Variants in TTC27 observed in about 807,000 individuals in gnomAD.
The protein encoded by TTC27 is tetratricopeptide repeat protein 27.
A neutral mutation model predicts 115.9 loss-of-function variants in TTC27; 79 were observed. That is an observed-to-expected ratio of 0.68 (90% CI 0.57 to 0.82). The LOEUF (loss-of-function observed/expected upper bound fraction) is 0.82, where lower values mean the gene tolerates loss of function less well. Among genes scored for constraint, TTC27 ranks in the 40% least tolerant of loss-of-function variants. The probability of loss-of-function intolerance (pLI) is 0.00; values close to 1 mark genes in which losing one functional copy is unlikely to be tolerated. For synonymous variants in TTC27, 401 were observed against 356.0 expected, an observed-to-expected ratio of 1.13 and a Z score of -1.42; for missense variants, 1,054 against 993.1, an observed-to-expected ratio of 1.06 and a Z score of -0.82.
At chr2:32,806,923 A>G (rs959295029) in intron 16 of TTC27, among the ~76,000 whole-genome samples, 1 of 152,208 alleles carries the variant, frequency 6.6e-6, no homozygotes, top group African/African-American at 2.4e-5. Flanking sequence ...ATTTTAAATT[A>G]ATTTTTATTG....
intron 10 of TTC27, among the ~76,000 whole-genome samples, chr2:32,726,651 A>G (rs1466375111): frequency 1.3e-5 from 2 of 152,100 alleles, no homozygotes. Flanking sequence ...AAGCCCTCCA[A>G]ACTGTTCCAA....
intron 10 of TTC27, among the ~76,000 whole-genome samples, chr2:32,706,077 C>G (rs868258169): frequency 6.6e-4 from 35 of 53,220 alleles, no homozygotes; most frequent in Non-Finnish European, 9.5e-4. Flanking sequence ...TTACCTTACT[C>G]TTTTTTTTTT....
chr2:32,755,648 G>GGAGAGA (rs1397150890), intron 12 of TTC27, among the ~76,000 whole-genome samples: 1 of 151,936 alleles, frequency 6.6e-6, no homozygotes, highest in Non-Finnish European at 1.5e-5. Context: ...AGAGGGAGAG[G>GGAGAGA]GAGCCGGAGC....
intron 4 of TTC27, among the ~76,000 whole-genome samples, chr2:32,646,665 G>A (rs1664875306): frequency 1.4e-5 from 2 of 145,872 alleles, no homozygotes; most frequent in Non-Finnish European, 3.0e-5. Context: ...CCGGGTTCAT[G>A]CCATTCTCCT....
intron 9 of TTC27, among the ~76,000 whole-genome samples, chr2:32,690,440 C>G (rs146530431): frequency 2.0e-5 from 3 of 152,090 alleles, no homozygotes; most frequent in African/African-American, 7.2e-5. Flanking sequence ...CTTAGCAATA[C>G]TAGGCCCTTT....
chr2:32,750,233 C>A lies in TTC27; in HGVS notation c.1453-8059C>A, dbSNP rs563171855. Among the ~76,000 whole-genome samples, 4 of 152,288 alleles carry A rather than the reference C, an allele frequency of 2.6e-5. No homozygotes were observed. In the East Asian group the frequency reaches 7.7e-4, roughly 29 times the overall value. On this transcript the variant is annotated intron_variant, in intron 12 of 19. Coordinates refer to ENST00000317907, the MANE Select transcript of TTC27 (RefSeq NM_017735.5). ...ACCATTATATCTATATAGCTATTAA[C>A]CCTGTGAGTCCACACAGCAAATGTC...
In TTC27 at chr2:32,729,699, C is replaced by G. The variant is rs146238356; in HGVS notation, c.1234-4129C>G. 4.6e-5 allele frequency among the ~76,000 whole-genome samples: 7 copies of G among 152,026 alleles called. No individual in the cohort carries two copies. In the East Asian group the frequency reaches 1.4e-3, roughly 29 times the overall value. On this transcript the variant is annotated intron_variant, in intron 10 of 19. Coordinates refer to ENST00000317907, the MANE Select transcript of TTC27 (RefSeq NM_017735.5). ...CTGGACCGCGCCCCAGGGGCCTCCT[C>G]TCTCTCTGCTTGTTACCTTTTACGT...
chr2:32,775,870 A>T (rs1009096390), intron 13 of TTC27, among the ~76,000 whole-genome samples: 1 of 152,150 alleles, frequency 6.6e-6, no homozygotes, highest in South Asian at 2.1e-4. Context: ...ACTTGGTTGG[A>T]GTTTAGAGAG....
chr2:32,817,916 G>A (rs1208712757), intron 19 of TTC27, among the ~76,000 whole-genome samples: 2 of 152,214 alleles, frequency 1.3e-5, no homozygotes, highest in African/African-American at 2.4e-5. Flanking sequence ...AATTAGCTGG[G>A]CATGGTTGCG....
intron 13 of TTC27, among the ~76,000 whole-genome samples, chr2:32,758,955 G>GA (rs1475867461): frequency 2.0e-5 from 3 of 151,998 alleles, no homozygotes; most frequent in African/African-American, 7.2e-5. Context: ...ATCATTTTAA[G>GA]AAAAACGTGT....
At chr2:32,775,486 C>G (rs758513594) in intron 13 of TTC27, among the ~76,000 whole-genome samples, 7 of 152,196 alleles carry the variant, frequency 4.6e-5, no homozygotes, top group Non-Finnish European at 8.8e-5. Context: ...GTGTGAGCCA[C>G]TTTGCCCGGC....
At chr2:32,717,008 A>AT (rs10549038) in intron 10 of TTC27, among the ~76,000 whole-genome samples, 122 of 140,808 alleles carry the variant, frequency 8.7e-4, no homozygotes, top group Admixed American at 3.0e-3. Flanking sequence ...TTTTTTTTTA[A>AT]TTTTTTTTTT....
intron 4 of TTC27, among the ~76,000 whole-genome samples, chr2:32,642,949 A>AT (rs1445840177): frequency 1.3e-5 from 2 of 152,052 alleles, no homozygotes; most frequent in African/African-American, 4.8e-5. Flanking sequence ...GATTATAGGC[A>AT]TAAGCCACCA....
rs1216190215 is a variant in TTC27, at chr2:32,817,457, T to TTTTTAC, written c.2309_2310insTTTTAC (p.Val770_Ala771insPheThr). On this transcript the variant is annotated inframe_insertion and splice_region_variant, in exon 19 of 20. Coordinates refer to ENST00000317907, the MANE Select transcript of TTC27 (RefSeq NM_017735.5). ...GTTTCTCTCCATACTTATCTTCCAG[T>TTTTTAC]GGCCATAAAATGCAGTAAAAACAAA... 7 of 1,613,006 alleles carry TTTTTAC rather than the reference T, an allele frequency of 4.3e-6. No individual in the cohort carries two copies. The highest frequency in any genetic ancestry group is 5.9e-6 in the Non-Finnish European group (7 of 1,179,062).
At chr2:32,638,625 C>T (rs1202827386) in intron 3 of TTC27, among the ~76,000 whole-genome samples, 3 of 152,026 alleles carry the variant, frequency 2.0e-5, no homozygotes, top group African/African-American at 4.8e-5. Context: ...GTGATCCACC[C>T]GCGTGGCCTT....
chr2:32,654,074 A>G (rs1371032454), intron 5 of TTC27, among the ~76,000 whole-genome samples: 1 of 152,130 alleles, frequency 6.6e-6, no homozygotes, highest in African/African-American at 2.4e-5. Flanking sequence ...TGAAATCTTT[A>G]GTTTGGAAAG....
chr2:32,714,467 C>T (rs1667691312), intron 10 of TTC27, among the ~76,000 whole-genome samples: 1 of 151,986 alleles, frequency 6.6e-6, no homozygotes, highest in Non-Finnish European at 1.5e-5. Context: ...CAGGCCTACC[C>T]CATTTTCTTT....
At chr2:32,751,530 T>A (rs1669018263) in intron 12 of TTC27, among the ~76,000 whole-genome samples, 1 of 152,004 alleles carries the variant, frequency 6.6e-6, no homozygotes, top group Admixed American at 6.5e-5. Flanking sequence ...ACTAGAGAAA[T>A]CACCACTAGA....
chr2:32,657,835 AT>A (rs1665384891), intron 5 of TTC27, among the ~76,000 whole-genome samples: 5 of 151,372 alleles, frequency 3.3e-5, no homozygotes, highest in Admixed American at 2.0e-4. Context: ...TAAAAAAAAA[AT>A]TTTTTTTTGA....
Sources: gnomAD v4.1 joint callset for allele counts (sites outside exome capture counted in the v4.1 genomes callset) on GRCh38, gnomAD v4.1.1 for gene constraint, MANE v1.5 for transcripts, NCBI Gene and HGNC (gene_info 2026-07-23, HGNC 2026-07-21) for gene names.